CNTN4: variants seen among roughly 807,000 people sequenced by gnomAD.
The protein encoded by CNTN4 is contactin-4.
Under a neutral mutation model 122.5 loss-of-function variants are expected in CNTN4, and 77 were observed. The ratio of observed to expected loss-of-function variants is 0.63; its 90% confidence interval spans 0.52 to 0.76. CNTN4 has a LOEUF of 0.76. Among genes scored for constraint, CNTN4 ranks in the 30% least tolerant of loss-of-function variants. The pLI is 0.00. For missense variants in CNTN4, 1,256 were observed against 1,259.1 expected, an observed-to-expected ratio of 1.00 and a Z score of 0.04; for synonymous variants, 512 against 447.0, an observed-to-expected ratio of 1.15 and a Z score of -1.83.
At chr3:2,512,758 A>G (rs1384526101) in intron 3 of CNTN4, among the ~76,000 whole-genome samples, 2 of 152,210 alleles carry the variant, frequency 1.3e-5, no homozygotes, top group Admixed American at 6.5e-5. Flanking sequence ...GGGGAATTGA[A>G]GTTTCCACAC....
chr3:2,893,319 C>T (rs1002812704), intron 10 of CNTN4, among the ~76,000 whole-genome samples: 3 of 152,106 alleles, frequency 2.0e-5, no homozygotes, highest in Non-Finnish European at 4.4e-5. Context: ...TACTAATTCC[C>T]CATGGATGTG....
intron 3 of CNTN4, among the ~76,000 whole-genome samples, chr3:2,488,495 G>T (rs552083292): frequency 6.6e-6 from 1 of 152,138 alleles, no homozygotes; most frequent in Admixed American, 6.5e-5. Context: ...CCTCTCCAGG[G>T]TTGGTTCCTG....
chr3:2,854,799 ATAAT>A (rs1430059135), intron 7 of CNTN4, among the ~76,000 whole-genome samples: 6 of 152,214 alleles, frequency 3.9e-5, no homozygotes, highest in African/African-American at 9.6e-5. Flanking sequence ...AAGAAAGTAA[ATAAT>A]TAGAGTTAAA....
intron 3 of CNTN4, among the ~76,000 whole-genome samples, chr3:2,531,111 T>C (rs986932683): frequency 6.6e-6 from 1 of 152,180 alleles, no homozygotes; most frequent in African/African-American, 2.4e-5. Context: ...AGAGTCAATA[T>C]GTTTGATGAC....
At chr3:2,922,608 A>ATTTTTTTTTTT (rs547782541) in intron 12 of CNTN4, among the ~76,000 whole-genome samples, 1 of 110,014 alleles carries the variant, frequency 9.1e-6, no homozygotes, top group Non-Finnish European at 1.8e-5. Context: ...AAAGAACTTG[A>ATTTTTTTTTTT]TTTTTTTTTT....
intron 6 of CNTN4, among the ~76,000 whole-genome samples, chr3:2,758,220 A>G (rs1350636452): frequency 6.6e-6 from 1 of 152,220 alleles, no homozygotes; most frequent in African/African-American, 2.4e-5. Flanking sequence ...AATGCTGAAT[A>G]ATGCCGAATA....
chr3:2,390,386 A>G (rs13070802), intron 3 of CNTN4, among the ~76,000 whole-genome samples: 24,760 of 152,080 alleles, frequency 0.16, 2,477 homozygotes, highest in Middle Eastern at 0.26. Flanking sequence ...AAGTTAAGAA[A>G]GATGCACCTA....
chr3:2,250,896 G>C (rs1458905386), intron 2 of CNTN4, among the ~76,000 whole-genome samples: 1 of 151,776 alleles, frequency 6.6e-6, no homozygotes, highest in African/African-American at 2.4e-5. Flanking sequence ...TCTAGTTCTA[G>C]TTAATGAAGA....
At chr3:2,864,814 T>C (rs2150812529) in intron 7 of CNTN4, among the ~76,000 whole-genome samples, 1 of 151,722 alleles carries the variant, frequency 6.6e-6, no homozygotes. Flanking sequence ...AGTATTGTGC[T>C]GGTAAATTAC....
rs144035533 is a variant in CNTN4 at position 2,222,097 on chromosome 3, A to G, written c.-144-117081A>G. Among the ~76,000 whole-genome samples, 456 of 152,320 alleles carry G rather than the reference A, an allele frequency of 3.0e-3. 3 individuals carry two copies. The highest frequency in any genetic ancestry group is 0.011 in the African/African-American group (437 of 41,592). Reference sequence around the variant, plus strand: ...CATAAATGAACACCAAAACCTGTGTATGAATGTTTATAACAGCATGATTCA... The same window carrying G: ...CATAAATGAACACCAAAACCTGTGTGTGAATGTTTATAACAGCATGATTCA... On this transcript the variant is annotated intron_variant, in intron 2 of 24. Coordinates refer to ENST00000418658, the MANE Select transcript of CNTN4 (RefSeq NM_175607.3).
chr3:3,019,583 T>C (rs1394160489), intron 14 of CNTN4, among the ~76,000 whole-genome samples: 1 of 151,660 alleles, frequency 6.6e-6, no homozygotes, highest in Non-Finnish European at 1.5e-5. Context: ...GCATGAGCCA[T>C]GGTAGCCAGC....
chr3:2,734,280 T>G (rs2088917359), intron 4 of CNTN4, among the ~76,000 whole-genome samples: 1 of 152,128 alleles, frequency 6.6e-6, no homozygotes, highest in Non-Finnish European at 1.5e-5. Context: ...AGGTTTGTCT[T>G]GAACCCCTGG....
At chr3:2,103,428 A>C (rs956031443) in intron 2 of CNTN4, among the ~76,000 whole-genome samples, 5 of 152,168 alleles carry the variant, frequency 3.3e-5, no homozygotes, top group African/African-American at 7.2e-5. Flanking sequence ...TCACCACTAC[A>C]ACTGCTCTTT....
rs150359720 is a variant in CNTN4, at chr3:2,255,777, C to T, written c.-144-83401C>T. On this transcript the variant is annotated intron_variant, in intron 2 of 24. Coordinates refer to ENST00000418658, the MANE Select transcript of CNTN4 (RefSeq NM_175607.3). ...CACTTATGTACCAGAATTTCTGGGA[C>T]GCATTTAAAGCAATGTTTAGAGGGA... Among the ~76,000 whole-genome samples, 1,512 of 152,154 alleles carry T rather than the reference C, an allele frequency of 9.9e-3. 13 individuals carry two copies. Among genetic ancestry groups the T allele is most frequent in the Middle Eastern group, 0.031 (9 of 294 alleles).
intron 4 of CNTN4, among the ~76,000 whole-genome samples, chr3:2,716,042 G>T (rs2149365634): frequency 6.6e-6 from 1 of 152,110 alleles, no homozygotes; most frequent in East Asian, 1.9e-4. Flanking sequence ...ATAACTCACT[G>T]CAGCCTCAAC....
chr3:2,954,453 C>T (rs1382762751), intron 13 of CNTN4, among the ~76,000 whole-genome samples: 4 of 151,824 alleles, frequency 2.6e-5, no homozygotes, highest in East Asian at 1.9e-4. Flanking sequence ...CCATCAAATA[C>T]GGTGCTGCAA....
At chr3:2,242,684 C>T (rs1213169420) in intron 2 of CNTN4, among the ~76,000 whole-genome samples, 1 of 152,068 alleles carries the variant, frequency 6.6e-6, no homozygotes, top group Non-Finnish European at 1.5e-5. Context: ...TCTGTGGATA[C>T]AAAATGAATA....
chr3:2,790,136 T>C (rs959075988), intron 6 of CNTN4, among the ~76,000 whole-genome samples: 10 of 152,336 alleles, frequency 6.6e-5, no homozygotes, highest in African/African-American at 1.7e-4. Flanking sequence ...CAAGATGAAG[T>C]CAAATGAAGT....
chr3:2,852,110 A>C (rs1157350029), intron 7 of CNTN4, among the ~76,000 whole-genome samples: 2 of 152,160 alleles, frequency 1.3e-5, no homozygotes, highest in African/African-American at 4.8e-5. Flanking sequence ...AGAGCATATT[A>C]ATTTTATAAT....
Sources: allele counts gnomAD v4.1 joint callset (sites outside exome capture counted in the v4.1 genomes callset), GRCh38; gene constraint gnomAD v4.1.1; transcripts MANE v1.5; gene names NCBI Gene and HGNC (gene_info 2026-07-23, HGNC 2026-07-21).